Variants in SMG6 observed in about 807,000 individuals in gnomAD.
The protein encoded by SMG6 is SMG6 nonsense mediated mRNA decay factor.
Under a neutral mutation model 142.2 loss-of-function variants are expected in SMG6, and 66 were observed. The ratio of observed to expected loss-of-function variants is 0.46; its 90% CI spans 0.38 to 0.57. SMG6 has a LOEUF of 0.57. SMG6 is among the 20% of genes least tolerant of loss of function. The pLI is 0.00. For missense variants in SMG6, 1,793 were observed against 1,832.0 expected (o/e 0.98, Z 0.39); for synonymous variants, 779 against 702.4 (o/e 1.11, Z -1.72).
chr17:2,243,575 G>A (rs2073861779), intron 9 of SMG6, among the ~76,000 whole-genome samples: 1 of 152,172 alleles, frequency 6.6e-6, no homozygotes, highest in Non-Finnish European at 1.5e-5. Context: ...CAGCTACTTG[G>A]GGGGCTGAGG....
chr17:2,214,969 C>T (rs1379580272), intron 10 of SMG6, among the ~76,000 whole-genome samples: 3 of 152,130 alleles, frequency 2.0e-5, no homozygotes, highest in South Asian at 2.1e-4. Context: ...GGAATGCTCT[C>T]GACAGGAAAA....
intron 8 of SMG6, among the ~76,000 whole-genome samples, chr17:2,251,158 G>A (rs542842756): frequency 2.6e-5 from 4 of 152,000 alleles, no homozygotes; most frequent in African/African-American, 9.7e-5. Context: ...GGGAAGGGGG[G>A]CCTGGTACAA....
At chr17:2,208,146 A>G (rs908048842) in intron 10 of SMG6, among the ~76,000 whole-genome samples, 3 of 152,086 alleles carry the variant, frequency 2.0e-5, no homozygotes, top group Admixed American at 6.6e-5. Context: ...TAAATAAATA[A>G]ATAAAGGGTC....
At chr17:2,131,556 C>T (rs1253582358) in intron 13 of SMG6, among the ~76,000 whole-genome samples, 1 of 152,092 alleles carries the variant, frequency 6.6e-6, no homozygotes, top group African/African-American at 2.4e-5. Context: ...CCTCGGTCTC[C>T]CAAAATGCTG....
intron 8 of SMG6, among the ~76,000 whole-genome samples, chr17:2,267,076 G>C (rs1183705809): frequency 6.6e-6 from 1 of 152,188 alleles, no homozygotes; most frequent in Non-Finnish European, 1.5e-5. Context: ...TTTTCAAATA[G>C]CTTCCAGAGT....
At chr17:2,259,413 A>T (rs1211051179) in intron 8 of SMG6, among the ~76,000 whole-genome samples, 1 of 152,192 alleles carries the variant, frequency 6.6e-6, no homozygotes, top group Non-Finnish European at 1.5e-5. Context: ...ATAAGGAAAG[A>T]GTCCTTCAAG....
intron 6 of SMG6, among the ~76,000 whole-genome samples, chr17:2,287,677 T>A (rs1474988138): frequency 2.0e-5 from 3 of 152,164 alleles, no homozygotes; most frequent in African/African-American, 7.2e-5. Context: ...AACGTACATA[T>A]AAAATGTGGT....
chr17:2,125,637 TC>T (rs948689136), intron 13 of SMG6, among the ~76,000 whole-genome samples: 10 of 152,240 alleles, frequency 6.6e-5, no homozygotes, highest in African/African-American at 2.2e-4. Context: ...TTTCCACAGA[TC>T]CATAAAAACA....
intron 8 of SMG6, among the ~76,000 whole-genome samples, chr17:2,267,626 A>G (rs2074449968): frequency 6.6e-6 from 1 of 152,174 alleles, no homozygotes; most frequent in Non-Finnish European, 1.5e-5. Context: ...ACTAGTGCAG[A>G]GACTCAACTA....
At chr17:2,303,307 C>A in intron 1 of SMG6, 1 of 1,124,802 alleles carries the variant, frequency 8.9e-7, no homozygotes, top group South Asian at 4.1e-5. Context: ...GACCCCACTC[C>A]TTTCCGCGTC....
chr17:2,230,201 AAAAAAAAAAAAAAAAAAAAAG>A (rs1334167523), intron 10 of SMG6, among the ~76,000 whole-genome samples: 2,789 of 118,138 alleles, frequency 0.024, 318 homozygotes, highest in Admixed American at 0.074. Flanking sequence ...AAAAAAAAAA[AAAAAAAAAAAAAAAAAAAAAG>A]GAAAAGAAAG....
intron 8 of SMG6, among the ~76,000 whole-genome samples, chr17:2,264,832 G>GCCTT (rs1414495756): frequency 1.3e-5 from 2 of 151,768 alleles, no homozygotes; most frequent in Non-Finnish European, 2.9e-5. Flanking sequence ...AGCCCAGGAG[G>GCCTT]CGAAGGTTGC....
intron 6 of SMG6, among the ~76,000 whole-genome samples, chr17:2,291,171 A>G: frequency 6.6e-6 from 1 of 152,128 alleles, no homozygotes; most frequent in East Asian, 1.9e-4. Flanking sequence ...CTCTACTAAA[A>G]ATATAAAAAA....
intron 6 of SMG6, among the ~76,000 whole-genome samples, chr17:2,291,813 C>T (rs1039678147): frequency 2.1e-5 from 3 of 145,394 alleles, no homozygotes; most frequent in African/African-American, 7.6e-5. Flanking sequence ...TGCGTCACTG[C>T]ACTCCAGCCT....
intron 8 of SMG6, among the ~76,000 whole-genome samples, chr17:2,266,370 T>C (rs1192911629): frequency 1.3e-5 from 2 of 152,168 alleles, no homozygotes; most frequent in Non-Finnish European, 2.9e-5. Context: ...AACCTTAAGC[T>C]GGGAAATGGC....
chr17:2,172,612 T>C (rs753168609), intron 13 of SMG6, 46 bp downstream of exon 13: 54 of 1,592,736 alleles, frequency 3.4e-5, no homozygotes, highest in Admixed American at 1.0e-4. Context: ...GTCTGGAGAA[T>C]TAAGAGGAGG....
chr17:2,244,395 G>A (rs1308377001), intron 9 of SMG6, among the ~76,000 whole-genome samples: 2 of 152,168 alleles, frequency 1.3e-5, no homozygotes, highest in East Asian at 3.8e-4. Context: ...GAGGGACTGG[G>A]GTGGGGGCTG....
At chr17:2,263,592 A>G (rs60658942) in intron 8 of SMG6, among the ~76,000 whole-genome samples, 7 of 152,326 alleles carry the variant, frequency 4.6e-5, no homozygotes, top group African/African-American at 1.7e-4. Flanking sequence ...AGGAACCAAA[A>G]CATCAGAAAG....
intron 12 of SMG6, among the ~76,000 whole-genome samples, chr17:2,185,312 C>G (rs1292310260): frequency 6.6e-6 from 1 of 152,082 alleles, no homozygotes; most frequent in Non-Finnish European, 1.5e-5. Flanking sequence ...AAGACACACA[C>G]AGACTTACAG....
Sources: allele counts gnomAD v4.1 joint callset (sites outside exome capture counted in the v4.1 genomes callset), GRCh38; gene constraint gnomAD v4.1.1; transcripts MANE v1.5; gene names NCBI Gene and HGNC (gene_info 2026-07-23, HGNC 2026-07-21).